The following PPP4C variants were observed in gnomAD, a reference collection of about 807,000 sequenced individuals.
PPP4C encodes protein phosphatase 4 catalytic subunit.
In PPP4C, 10 loss-of-function variants were observed where a neutral mutation model predicts 40.5. That is an observed-to-expected ratio of 0.25 (90% CI 0.15 to 0.42). The LOEUF (loss-of-function observed/expected upper bound fraction) is 0.42. Ranked by LOEUF, PPP4C falls within the 10% of genes least tolerant of loss-of-function variation. The pLI, the probability that PPP4C is intolerant of heterozygous loss-of-function variation, is 1.00. For synonymous variants in PPP4C, 187 were observed against 163.6 expected (o/e 1.14, Z -1.09); for missense variants, 191 against 416.4 (o/e 0.46, Z 4.71).
intron 2 of PPP4C, among the ~76,000 whole-genome samples, chr16:30,079,289 A>T (rs1478674763): frequency 6.6e-6 from 1 of 150,992 alleles, no homozygotes; most frequent in East Asian, 1.9e-4. Flanking sequence ...TCCTAGGTTC[A>T]AGTGATTCTC....
intron 3 of PPP4C, among the ~76,000 whole-genome samples, chr16:30,081,977 C>T (rs530299162): frequency 9.9e-4 from 151 of 151,770 alleles, no homozygotes; most frequent in African/African-American, 3.5e-3. Flanking sequence ...ATGACGTGAA[C>T]CCAGGAGGCG....
In PPP4C at chr16:30,076,393, G is replaced by A; in HGVS notation, c.16G>A (p.Asp6Asn). 6.2e-7 allele frequency: 1 copy of A among 1,613,160 alleles called. No individual in the cohort carries two copies. Among genetic ancestry groups the A allele is most frequent in the Non-Finnish European group, 8.5e-7 (1 of 1,179,786 alleles). Residue 6 changes from aspartate to asparagine, a missense_variant, in exon 2 of 9, where the codon GAC becomes AAC. Asp to Asn is a conservative substitution (Grantham distance 23). Transcript: ENST00000279387. MAEIS[D>N]LDRQIEQLRR... ...GGGGTGGGCCATGGCGGAGATCAGCGACCTGGACCGGCAGATCGAGCAGCT... is the reference window on the plus strand; with the variant it reads ...GGGGTGGGCCATGGCGGAGATCAGCAACCTGGACCGGCAGATCGAGCAGCT...
At chr16:30,081,397 AC>A in intron 3 of PPP4C, 87 bp downstream of exon 3, 1 of 1,088,644 alleles carries the variant, frequency 9.2e-7, no homozygotes, top group Non-Finnish European at 1.4e-6. Context: ...TATAAGCCCA[AC>A]CCTAAGCTCT....
chr16:30,081,604 G>T (rs755631985), intron 3 of PPP4C: 3 of 254,990 alleles, frequency 1.2e-5, no homozygotes, highest in African/African-American at 6.6e-5. Context: ...TTAGCCACGC[G>T]TGGTGGCACG....
At chr16:30,076,948 A>G (rs1212585879) in intron 2 of PPP4C, among the ~76,000 whole-genome samples, 1 of 152,202 alleles carries the variant, frequency 6.6e-6, no homozygotes, top group African/African-American at 2.4e-5. Flanking sequence ...TTCATGTTCA[A>G]AGTTACCCAC....
Position 30,085,073 on chromosome 16 carries a change from C to G in PPP4C, c.*11C>G, listed in dbSNP as rs1184615657. On this transcript the variant is annotated 3_prime_UTR_variant, in exon 9 of 9. Transcript: ENST00000279387. ...GACTACTTCCTGTGACCCCGCCCGG[C>G]CCCTGCCCCCTCCAACCCTTCTGGC... 3 of 1,612,432 alleles carry G rather than the reference C, an allele frequency of 1.9e-6. No homozygotes were observed.
chr16:30,082,225 TAG>T, intron 3 of PPP4C, among the ~76,000 whole-genome samples: 2 of 151,430 alleles, frequency 1.3e-5, no homozygotes, highest in Middle Eastern at 6.8e-3. Context: ...TTGTGGGGAG[TAG>T]AGAGAGGAAG....
rs771071839 is a variant in PPP4C, at chr16:30,083,741, T to C, written c.564T>C (p.His188=). The C allele has an allele frequency of 6.2e-7, 1 of 1,614,094 alleles. No homozygotes were observed. The highest frequency in any genetic ancestry group is 1.3e-5 in the African/African-American group (1 of 75,030). ...RTIDRKQEVP[H]DGPMCDLLWS... is the part of the protein sequence containing the mutation. ...TCGACCGAAAGCAAGAGGTGCCTCA[T>C]GATGGGCCCATGTGTGACCTCCTCT... Residue 188 remains histidine, a synonymous_variant, in exon 7 of 9, where the codon CAT becomes CAC. Coordinates refer to ENST00000279387, the MANE Select transcript of PPP4C (RefSeq NM_002720.3). The surrounding 1 kb of genome is among the most constrained non-coding windows in gnomAD (Gnocchi z 6.3).
At chr16:30,082,402 C>T (rs2072527475) in intron 3 of PPP4C, 82 bp from the exon 4 acceptor site, 2 of 1,396,908 alleles carry the variant, frequency 1.4e-6, no homozygotes, top group Admixed American at 3.4e-5. Context: ...TGATAAAGCT[C>T]ACTAAAGCAG....
At position 30,083,920 on chromosome 16, in the gene PPP4C, A is replaced by G; in HGVS notation, c.604+139A>G. On this transcript the variant is annotated intron_variant, in intron 7 of 8. Transcript: ENST00000279387. This position sits in a 1 kb window ranked among gnomAD's most constrained non-coding sequence, Gnocchi z 6.3. Reference sequence around the variant, plus strand: ...CTGGAGGAGGAGCAGGGAGGCCTGCATGGCAGGTGCTTTGAGCACACAGTG... The same window carrying G: ...CTGGAGGAGGAGCAGGGAGGCCTGCGTGGCAGGTGCTTTGAGCACACAGTG... 1.5e-6 allele frequency: 2 copies of G among 1,298,754 alleles called. No homozygotes were observed. The highest frequency in any genetic ancestry group is 1.4e-5 in the South Asian group (1 of 72,724). The allele number at this position is 1,298,754 out of a possible 1,614,324, so 80.5% of individuals were successfully genotyped here.
intron 2 of PPP4C, among the ~76,000 whole-genome samples, 171 bp downstream of exon 2, chr16:30,076,646 A>C (rs2072405495): frequency 6.6e-6 from 1 of 152,198 alleles, no homozygotes; most frequent in Non-Finnish European, 1.5e-5. Context: ...GGGAAGACAG[A>C]GTGGATAAAG....
rs952790130 is a variant in PPP4C at position 30,076,005 on chromosome 16, G to GAGCGGCGGC, written c.-152_-144dup. ...GCTTCCGCGGCGGGGCCGGAAGTAGGAGCGGCGGCGGCGGCGGCGGCGGCG... is the reference window on the plus strand; with the variant it reads ...GCTTCCGCGGCGGGGCCGGAAGTAGGAGCGGCGGCAGCGGCGGCGGCGGCGGCGGCGGCG... On this transcript the variant is annotated 5_prime_UTR_variant, in exon 1 of 9. Coordinates refer to ENST00000279387, the MANE Select transcript of PPP4C (RefSeq NM_002720.3). The GAGCGGCGGC allele has an allele frequency of 8.3e-6, 3 of 360,536 alleles. No individual in the cohort carries two copies. The highest frequency in any genetic ancestry group is 2.3e-5 in the African/African-American group (1 of 43,718). The allele number at this position is 360,536 out of a possible 1,614,324, so 22.3% of individuals were successfully genotyped here.
chr16:30,077,683 A>G (rs2072427577), intron 2 of PPP4C, among the ~76,000 whole-genome samples: 1 of 152,238 alleles, frequency 6.6e-6, no homozygotes, highest in African/African-American at 2.4e-5. Context: ...TTACAGGGCC[A>G]CTATTTGGCC....
rs1043126060 is a variant in PPP4C, at chr16:30,076,038, G to A, written c.-120G>A. On this transcript the variant is annotated 5_prime_UTR_variant, in exon 1 of 9. Transcript: ENST00000279387. ...GCGGCGGCGGCGGCGGCGGTCGAAAGCGGAGTGAAAGAGGGAGGCAGGGAG... is the reference window on the plus strand; with the variant it reads ...GCGGCGGCGGCGGCGGCGGTCGAAAACGGAGTGAAAGAGGGAGGCAGGGAG... The A allele has an allele frequency of 4.9e-6, 2 of 407,486 alleles. No homozygotes were observed. The highest frequency in any genetic ancestry group is 4.4e-6 in the Non-Finnish European group (1 of 225,968). The allele number at this position is 407,486 out of a possible 1,614,324, so 25.2% of individuals were successfully genotyped here.
chr16:30,081,341 C>T lies in PPP4C; in HGVS notation c.150+31C>T. ...TACCTGCTGTCCCTGCAGAGCCAGG[C>T]CTGGTCTTTCAGGCACATGAAGTTT... is the stretch of plus-strand genomic sequence containing the variant. On this transcript the variant is annotated intron_variant, in intron 3 of 8. Transcript: ENST00000279387. The T allele has an allele frequency of 2.5e-6, 4 of 1,585,942 alleles. No individual in the cohort carries two copies. Among genetic ancestry groups the T allele is most frequent in the Non-Finnish European group, 3.5e-6 (4 of 1,155,128 alleles).
rs1339915254 is a variant in PPP4C, at chr16:30,083,311, A to C, written c.304-83A>C. On this transcript the variant is annotated intron_variant, in intron 5 of 8. Coordinates refer to ENST00000279387, the MANE Select transcript of PPP4C (RefSeq NM_002720.3). The surrounding 1 kb of genome is among the most constrained non-coding windows in gnomAD (Gnocchi z 6.3). ...GCTGGGCAGTGGTTGTGAGGATGGCAGGCTGGCGGGCACGAGGAGGTCAGA... is the reference window on the plus strand; with the variant it reads ...GCTGGGCAGTGGTTGTGAGGATGGCCGGCTGGCGGGCACGAGGAGGTCAGA... 1 of 1,470,158 alleles carries C rather than the reference A, an allele frequency of 6.8e-7. No individual in the cohort carries two copies. The highest frequency in any genetic ancestry group is 2.3e-5 in the East Asian group (1 of 43,834). The allele number at this position is 1,470,158 out of a possible 1,614,324, so 91.1% of individuals were successfully genotyped here.
At chr16:30,080,173 C>T (rs139768215) in intron 2 of PPP4C, among the ~76,000 whole-genome samples, 54 of 151,696 alleles carry the variant, frequency 3.6e-4, no homozygotes, top group African/African-American at 1.2e-3. Context: ...AGTGAAATCT[C>T]GACTCTACTA....
At chr16:30,076,534 G>A in intron 2 of PPP4C, 59 bp downstream of exon 2, 1 of 1,513,264 alleles carries the variant, frequency 6.6e-7, no homozygotes, top group East Asian at 2.5e-5. Context: ...TTCTGGCCTG[G>A]GGCAAACCCA....
At chr16:30,080,216 A>C (rs115217339) in intron 2 of PPP4C, among the ~76,000 whole-genome samples, 2 of 151,550 alleles carry the variant, frequency 1.3e-5, no homozygotes, top group African/African-American at 2.4e-5. Context: ...GTGGTGGTAC[A>C]TGCTTCTAAT....
Sources: allele counts gnomAD v4.1 joint callset (sites outside exome capture counted in the v4.1 genomes callset), GRCh38; gene constraint gnomAD v4.1.1; non-coding constraint Gnocchi (gnomAD v3.1); transcripts MANE v1.5; gene names NCBI Gene and HGNC (gene_info 2026-07-23, HGNC 2026-07-21).